The following FZD6 variants were observed in gnomAD, a reference collection of about 807,000 sequenced individuals.
FZD6 encodes frizzled class receptor 6.
FZD6 carries 49 observed loss-of-function variants against 61.4 expected under a neutral mutation model. The ratio of observed to expected loss-of-function variants is 0.80; its 90% CI spans 0.63 to 1.01. The LOEUF is 1.01. Ranked by LOEUF, FZD6 falls within the 50% of genes least tolerant of loss-of-function variation. FZD6 has a pLI of 0.00. For synonymous variants in FZD6, 265 were observed against 292.2 expected (o/e 0.91, Z 0.95); for missense variants, 724 against 848.2 (o/e 0.85, Z 1.82).
At chr8:103,303,360 CTG>C (rs1814225644) in intron 2 of FZD6, among the ~76,000 whole-genome samples, 2 of 152,224 alleles carry the variant, frequency 1.3e-5, no homozygotes, top group Admixed American at 6.5e-5. Flanking sequence ...AAAGCAATAA[CTG>C]TTTTTAGCGA....
chr8:103,300,029 T>A lies in FZD6; in HGVS notation c.-79T>A, dbSNP rs1814107042. ...AGTGAAATGAGGAATTTGAACATTT[T>A]ATCTTTGGATGGGGATCTTCTGAGG... On this transcript the variant is annotated 5_prime_UTR_variant, in exon 2 of 7. It introduces an in-frame stop codon into an upstream open reading frame of the 5' UTR. Transcript: ENST00000358755. 4 of 888,134 alleles carry A rather than the reference T, an allele frequency of 4.5e-6. No individual in the cohort carries two copies. The East Asian group carries it at 9.8e-5, about 22-fold the overall frequency. The allele number at this position is 888,134 out of a possible 1,614,324, so 55.0% of individuals were successfully genotyped here.
At chr8:103,307,820 G>T in intron 2 of FZD6, 1 of 456,016 alleles carries the variant, frequency 2.2e-6, no homozygotes, top group Middle Eastern at 3.3e-4. Context: ...GAATCGCCAG[G>T]TGGGCTAGAA....
intron 2 of FZD6, chr8:103,308,004 C>A (rs1814389658): frequency 2.2e-6 from 1 of 453,186 alleles, no homozygotes. Flanking sequence ...GAACATGATA[C>A]CATATTGAGG....
chr8:103,315,040 C>A lies in FZD6; in HGVS notation c.178-3550C>A, dbSNP rs150309403. Reference sequence around the variant, plus strand: ...TTTATCTTTCAAAAATTTCCCAAAGCTTATAGGGAGCCCTTTCTTTATTTT... The same window carrying A: ...TTTATCTTTCAAAAATTTCCCAAAGATTATAGGGAGCCCTTTCTTTATTTT... On this transcript the variant is annotated intron_variant, in intron 2 of 6. Coordinates refer to ENST00000358755, the MANE Select transcript of FZD6 (RefSeq NM_003506.4). 2.6e-3 allele frequency among the ~76,000 whole-genome samples: 398 copies of A among 152,184 alleles called. 3 individuals are homozygous for A. Among genetic ancestry groups the A allele is most frequent in the African/African-American group, 9.2e-3 (381 of 41,532 alleles).
chr8:103,299,185 CG>C lies in FZD6; in HGVS notation c.-153+194del, dbSNP rs1466794867. Among the ~76,000 whole-genome samples, 10 of 152,228 alleles carry C rather than the reference CG, an allele frequency of 6.6e-5. No homozygotes were observed. In the South Asian group the frequency reaches 1.5e-3, roughly 22 times the overall value. On this transcript the variant is annotated intron_variant, in intron 1 of 6. Coordinates refer to ENST00000358755, the MANE Select transcript of FZD6 (RefSeq NM_003506.4). Reference sequence around the variant, plus strand: ...GGGAACCGGCTCTGAAAGGCGATGCCGGGGCCCCGCGGCGCCGCGCAGGCCA... The same window carrying C: ...GGGAACCGGCTCTGAAAGGCGATGCCGGGCCCCGCGGCGCCGCGCAGGCCA...
rs778943360 is a variant in FZD6 at position 103,329,934 on chromosome 8, C to T, written c.1821C>T (p.Thr607=). The change falls in exon 6 of 7, where the codon ACC becomes ACT. Residue 607 remains threonine, a synonymous_variant. Transcript: ENST00000358755. ...AGGTGAAAGCGGACGGAGCTAGCAC[C>T]CCCAGGTTAAGAGAACAGGACTGTG... ...MREVKADGAS[T]PRLREQDCGE... 1 of 1,614,082 alleles carries T rather than the reference C, an allele frequency of 6.2e-7. No homozygotes were observed. The highest frequency in any genetic ancestry group is 8.5e-7 in the Non-Finnish European group (1 of 1,180,004).
intron 2 of FZD6, among the ~76,000 whole-genome samples, chr8:103,300,540 C>A (rs1814133324): frequency 6.6e-6 from 1 of 152,068 alleles, no homozygotes; most frequent in Admixed American, 6.5e-5. Context: ...TTCTAAATAC[C>A]TTGTACCTAG....
intron 2 of FZD6, among the ~76,000 whole-genome samples, chr8:103,300,653 T>C (rs1056647933): frequency 2.8e-4 from 42 of 152,348 alleles, no homozygotes; most frequent in African/African-American, 9.9e-4. Context: ...TTGCCTGGAC[T>C]AAAACTGAAG....
intron 2 of FZD6, among the ~76,000 whole-genome samples, chr8:103,309,433 GAC>G (rs1427162955): frequency 6.6e-6 from 1 of 152,204 alleles, no homozygotes; most frequent in Admixed American, 6.5e-5. Context: ...GGTTGCTTAA[GAC>G]AATCCACTGG....
chr8:103,320,652 G>A (rs1332353185), intron 3 of FZD6, among the ~76,000 whole-genome samples: 1 of 152,094 alleles, frequency 6.6e-6, no homozygotes, highest in African/African-American at 2.4e-5. Flanking sequence ...ATAGGAGCTT[G>A]CAGACGAAGG....
intron 2 of FZD6, among the ~76,000 whole-genome samples, chr8:103,318,046 C>T (rs1433582024): frequency 6.6e-6 from 1 of 152,096 alleles, no homozygotes; most frequent in Non-Finnish European, 1.5e-5. Context: ...AGCAGATGCT[C>T]ATTCAAGTCT....
intron 2 of FZD6, among the ~76,000 whole-genome samples, chr8:103,317,837 AAAAAG>A (rs1332425566): frequency 0.13 from 11,042 of 84,432 alleles, 526 homozygotes; most frequent in African/African-American, 0.28. Flanking sequence ...AAAAAAAAAA[AAAAAG>A]AAAGAAAGAA....
chr8:103,305,040 G>C (rs916985615), intron 2 of FZD6, among the ~76,000 whole-genome samples: 2 of 152,222 alleles, frequency 1.3e-5, no homozygotes, highest in Non-Finnish European at 2.9e-5. Context: ...TAATGAAAAG[G>C]ATGTACAGTC....
At chr8:103,319,482 G>A (rs913036609) in intron 3 of FZD6, among the ~76,000 whole-genome samples, 4 of 152,178 alleles carry the variant, frequency 2.6e-5, no homozygotes, top group Non-Finnish European at 1.5e-5. Flanking sequence ...TGTAGAGCAT[G>A]GCACCTGTGT....
intron 2 of FZD6, among the ~76,000 whole-genome samples, chr8:103,306,195 A>T (rs1482592629): frequency 1.3e-5 from 2 of 152,256 alleles, no homozygotes; most frequent in Non-Finnish European, 2.9e-5. Context: ...GAAATAGTTT[A>T]AAAATAACAA....
Position 103,329,013 on chromosome 8 carries a change from T to TTTTTTATATATATATATA in FZD6, c.1541+598_1541+599insTTTTATATATATATATAT, listed in dbSNP as rs143400765. ...TATTTATGAGTAATTCATTTTAGTT[T>TTTTTTATATATATATATA]TATATATATATATATATATGCACAC... On this transcript the variant is annotated intron_variant, in intron 5 of 6. Coordinates refer to ENST00000358755, the MANE Select transcript of FZD6 (RefSeq NM_003506.4). Among the ~76,000 whole-genome samples the TTTTTTATATATATATATA allele has an allele frequency of 7.2e-3, 826 of 115,150 alleles. 10 individuals are homozygous for TTTTTTATATATATATATA. Among genetic ancestry groups the TTTTTTATATATATATATA allele is most frequent in the African/African-American group, 0.019 (655 of 33,886 alleles). The allele number at this position is 115,150 out of a possible 152,430, so 75.5% of individuals were successfully genotyped here.
intron 2 of FZD6, among the ~76,000 whole-genome samples, chr8:103,305,401 A>T (rs1261138197): frequency 6.6e-6 from 1 of 152,246 alleles, no homozygotes; most frequent in African/African-American, 2.4e-5. Flanking sequence ...ATAAATGGAG[A>T]AAAACTGGAT....
intron 2 of FZD6, among the ~76,000 whole-genome samples, chr8:103,312,382 G>A (rs1814520066): frequency 6.6e-6 from 1 of 152,222 alleles, no homozygotes; most frequent in Non-Finnish European, 1.5e-5. Context: ...GTTACTAAGA[G>A]AGTTGAAGAA....
At chr8:103,322,504 T>A (rs1814820681) in intron 3 of FZD6, among the ~76,000 whole-genome samples, 2 of 152,192 alleles carry the variant, frequency 1.3e-5, no homozygotes, top group African/African-American at 2.4e-5. Context: ...CAATTAGAGT[T>A]CATGTGGAGA....
Sources: gnomAD v4.1 joint callset for allele counts (sites outside exome capture counted in the v4.1 genomes callset) on GRCh38, gnomAD v4.1.1 for gene constraint, MANE v1.5 for transcripts, NCBI Gene and HGNC (gene_info 2026-07-23, HGNC 2026-07-21) for gene names.